DHODH: variants seen among roughly 807,000 people sequenced by gnomAD.
The protein encoded by DHODH is dihydroorotate dehydrogenase (quinone), mitochondrial.
A neutral mutation model predicts 39.7 loss-of-function variants in DHODH; 30 were observed. The ratio of observed to expected loss-of-function variants is 0.76; its 90% CI spans 0.57 to 1.02. The LOEUF (loss-of-function observed/expected upper bound fraction) is 1.02, where lower values mean the gene tolerates loss of function less well. Among genes scored for constraint, DHODH ranks in the 50% least tolerant of loss-of-function variants. The probability of loss-of-function intolerance (pLI) is 0.00; values close to 1 mark genes in which losing one functional copy is unlikely to be tolerated. For synonymous variants in DHODH, 222 were observed against 213.8 expected (o/e 1.04, Z -0.34); for missense variants, 531 against 520.8 (o/e 1.02, Z -0.19).
In DHODH at chr16:72,024,196, G is replaced by C. The variant is rs1439170453; in HGVS notation, c.1185G>C (p.Arg395Ser). 6.2e-7 allele frequency: 1 copy of C among 1,614,104 alleles called. No individual in the cohort carries two copies. The highest frequency in any genetic ancestry group is 1.1e-5 in the South Asian group (1 of 91,094). The change falls in exon 9 of 9, where the codon AGG (arginine) becomes AGC (serine). Residue 395 changes from arginine (R) to serine (S), a missense_variant. Transcript: ENST00000219240. ...VTDAIGADHR[R>S] ...ATGCCATTGGAGCAGATCATCGGAG[G>C]TGAGGACAGCGTCTGACGGGAAGCC...
intron 5 of DHODH, among the ~76,000 whole-genome samples, chr16:72,022,007 C>G (rs1295700751): frequency 6.6e-6 from 1 of 150,768 alleles, no homozygotes; most frequent in African/African-American, 2.4e-5. Context: ...GTGGAAGGAT[C>G]GCCTGAGCCC....
chr16:72,017,222 G>A, intron 4 of DHODH, 116 bp downstream of exon 4: 1 of 1,012,068 alleles, frequency 9.9e-7, no homozygotes, highest in South Asian at 1.3e-5. Context: ...AAACCACTGA[G>A]GACCTCAGGA....
At chr16:72,015,660 A>G in intron 3 of DHODH, 1 of 976,592 alleles carries the variant, frequency 1.0e-6, no homozygotes, top group Non-Finnish European at 1.2e-6. Context: ...AGATCAAGTT[A>G]TTGATCTTTC....
chr16:72,020,617 G>A (rs772433452), intron 4 of DHODH: 88 of 158,642 alleles, frequency 5.5e-4, no homozygotes, highest in Non-Finnish European at 9.3e-4. Flanking sequence ...CACCCAAAGT[G>A]CTGGGATTAT....
At position 72,027,003 on chromosome 16, in the gene DHODH, GTGTGTGTT is replaced by G. The variant is rs2041282667; in HGVS notation, c.*2806_*2813del. ...TGTGTGTGTGTGTGTGTGTGTGTGT[GTGTGTGTT>G]TTTGAGATGGAGTCCTGCTCTGTCA... On this transcript the variant is annotated 3_prime_UTR_variant, in exon 9 of 9. Transcript: ENST00000219240. The G allele has an allele frequency of 5.9e-5, 1 of 16,816 alleles. No homozygotes were observed. The highest frequency in any genetic ancestry group is 1.8e-3 in the South Asian group (1 of 560). The allele number at this position is 16,816 out of a possible 1,614,324, so 1.0% of individuals were successfully genotyped here. A position where few individuals can be genotyped will look rare whatever the true frequency, so the allele number is the denominator to read the frequency against.
intron 2 of DHODH, among the ~76,000 whole-genome samples, chr16:72,013,197 G>A (rs927236188): frequency 9.9e-5 from 15 of 151,024 alleles, no homozygotes; most frequent in Admixed American, 3.9e-4. Context: ...TTGAGCAGAC[G>A]TGTCATTTCC....
At chr16:72,010,157 C>G (rs556229796) in intron 1 of DHODH, among the ~76,000 whole-genome samples, 3 of 152,300 alleles carry the variant, frequency 2.0e-5, no homozygotes, top group Admixed American at 6.5e-5. Flanking sequence ...TTATTTTGGC[C>G]AAGACTCCTG....
chr16:72,012,026 C>G, intron 1 of DHODH, 24 bp from the exon 2 acceptor site: 1 of 1,610,712 alleles, frequency 6.2e-7, no homozygotes, highest in Non-Finnish European at 8.5e-7. Flanking sequence ...CTGGGGGACC[C>G]CCCTAATATG....
At chr16:72,009,140 C>A in intron 1 of DHODH, 1 of 1,160,822 alleles carries the variant, frequency 8.6e-7, no homozygotes, top group Non-Finnish European at 1.1e-6. Flanking sequence ...TGCTCCCAAC[C>A]CTTTTAGGTA....
chr16:72,015,846 T>C (rs756383630), intron 3 of DHODH: 22 of 985,382 alleles, frequency 2.2e-5, no homozygotes, highest in Non-Finnish European at 2.7e-5. Flanking sequence ...GCCTCCTGGT[T>C]GTGTGGCATG....
rs1352930255 is a variant in DHODH, at chr16:72,027,201, G to GTTA, written c.*3003_*3005dup. On this transcript the variant is annotated 3_prime_UTR_variant, in exon 9 of 9. Coordinates refer to ENST00000219240, the MANE Select transcript of DHODH (RefSeq NM_001361.5). ...TTAAGTAGAGACAGGGTTTCACCGT[G>GTTA]TTAGCCAGGATGGTTCGATCTCCTG... is the stretch of plus-strand genomic sequence containing the variant. 2 of 152,314 alleles carry GTTA rather than the reference G, an allele frequency of 1.3e-5. No homozygotes were observed. The highest frequency in any genetic ancestry group is 2.9e-5 in the Non-Finnish European group (2 of 68,188). The allele number at this position is 152,314 out of a possible 1,614,324, so 9.4% of individuals were successfully genotyped here.
chr16:72,012,974 C>A (rs1170689681), intron 2 of DHODH, among the ~76,000 whole-genome samples: 1 of 152,158 alleles, frequency 6.6e-6, no homozygotes, highest in Non-Finnish European at 1.5e-5. Context: ...GAGTCCCCAT[C>A]CTCATGGAAG....
intron 4 of DHODH, among the ~76,000 whole-genome samples, chr16:72,018,201 C>T (rs562639228): frequency 6.6e-6 from 1 of 152,310 alleles, no homozygotes; most frequent in South Asian, 2.1e-4. Flanking sequence ...CCCTGGGACC[C>T]TCTGGGATTG....
At position 72,024,113 on chromosome 16, in the gene DHODH, T is replaced by A. The variant is rs113617640; in HGVS notation, c.1134-32T>A. On this transcript the variant is annotated intron_variant, in intron 8 of 8. Coordinates refer to ENST00000219240, the MANE Select transcript of DHODH (RefSeq NM_001361.5). ...AGAGCAGGGCCTGTTCTCCACTGTT[T>A]GCTGAAATTGCTTTGTTTGCTCTTT... The A allele has an allele frequency of 4.3e-6, 7 of 1,613,754 alleles. No homozygotes were observed. In the South Asian group the frequency reaches 4.4e-5, roughly 10 times the overall value.
intron 4 of DHODH, among the ~76,000 whole-genome samples, chr16:72,018,542 G>A (rs1176707033): frequency 6.6e-6 from 1 of 152,066 alleles, no homozygotes; most frequent in Admixed American, 6.6e-5. Context: ...TCTTCTCCTC[G>A]GTGTCTGCAG....
rs2041149767 is a variant in DHODH, at chr16:72,017,067, T to C, written c.478T>C (p.Leu160=). 2 of 1,613,934 alleles carry C rather than the reference T, an allele frequency of 1.2e-6. No homozygotes were observed. Among genetic ancestry groups the C allele is most frequent in the South Asian group, 1.1e-5 (1 of 91,080 alleles). ...SHGLSVVEHR[L]RARQQKQAKL... ...CGGGCTTTCAGTGGTGGAACACAGG[T>C]TACGGGCCAGACAGCAGAAGCAGGC... is the stretch of plus-strand genomic sequence containing the variant. The change falls in exon 4 of 9, where the codon TTA becomes CTA. Residue 160 remains leucine, a synonymous_variant. Coordinates refer to ENST00000219240, the MANE Select transcript of DHODH (RefSeq NM_001361.5).
chr16:72,019,517 G>A (rs969586125), intron 4 of DHODH, among the ~76,000 whole-genome samples: 4 of 152,214 alleles, frequency 2.6e-5, no homozygotes, highest in Non-Finnish European at 4.4e-5. Flanking sequence ...AAACTTAGAA[G>A]AAGTCAAGTA....
chr16:72,018,381 A>T (rs2041166902), intron 4 of DHODH, among the ~76,000 whole-genome samples: 1 of 152,180 alleles, frequency 6.6e-6, no homozygotes, highest in Non-Finnish European at 1.5e-5. Context: ...GCAGTGTCAG[A>T]TTTGGGGAAT....
intron 6 of DHODH, 28 bp from the exon 7 acceptor site, chr16:72,023,137 A>G (rs1403417644): frequency 3.1e-6 from 5 of 1,613,652 alleles, no homozygotes; most frequent in African/African-American, 1.3e-5. Context: ...GCTATGACTC[A>G]TGGCTTTTTC....
Sources: allele counts gnomAD v4.1 joint callset (sites outside exome capture counted in the v4.1 genomes callset), GRCh38; gene constraint gnomAD v4.1.1; transcripts MANE v1.5; gene names NCBI Gene and HGNC (gene_info 2026-07-23, HGNC 2026-07-21).